The following SHANK1 variants were observed in gnomAD, a reference collection of about 807,000 sequenced individuals.
SHANK1 encodes the protein SH3 and multiple ankyrin repeat domains protein 1.
SHANK1 carries 35 observed loss-of-function variants against 165.6 expected under a neutral mutation model. That is an observed-to-expected ratio of 0.21 (90% CI 0.16 to 0.28). The LOEUF (loss-of-function observed/expected upper bound fraction) is 0.28, where lower values mean the gene tolerates loss of function less well. Among genes scored for constraint, SHANK1 ranks in the 10% least tolerant of loss-of-function variants. SHANK1 has a pLI of 1.00. For missense variants in SHANK1, 2,681 were observed against 3,036.4 expected (o/e 0.88, Z 2.75); for synonymous variants, 1,428 against 1,384.8 (o/e 1.03, Z -0.69).
In SHANK1 at chr19:50,716,191, C is replaced by G. The variant is rs368596932; in HGVS notation, c.459+84G>C. On this transcript the variant is annotated intron_variant, in intron 3 of 23. Transcript: ENST00000293441. This position sits in a 1 kb window ranked among gnomAD's most constrained non-coding sequence, Gnocchi z 8.4. The stretch of plus-strand genomic sequence containing the variant: ...ACTGGGTGCCCCCTCGTTAAGGTTT[C>G]GAGTGTGTTAAAAAGTGGGTGGGGG... The G allele has an allele frequency of 7.6e-7, 1 of 1,321,284 alleles. No homozygotes were observed. Among genetic ancestry groups the G allele is most frequent in the Non-Finnish European group, 1.1e-6 (1 of 924,960 alleles). The allele number at this position is 1,321,284 out of a possible 1,614,324, so 81.8% of individuals were successfully genotyped here.
intron 7 of SHANK1, 113 bp downstream of exon 7, chr19:50,711,834 C>T (rs2089014092): frequency 2.5e-6 from 3 of 1,213,972 alleles, no homozygotes; most frequent in African/African-American, 1.5e-5. Flanking sequence ...CCATGTTATT[C>T]TCACCCCCAT....
At chr19:50,681,870 C>G (rs542898757) in intron 21 of SHANK1, among the ~76,000 whole-genome samples, 1 of 152,010 alleles carries the variant, frequency 6.6e-6, no homozygotes, top group Non-Finnish European at 1.5e-5. Context: ...CTCCCTTGCT[C>G]GAGTGATCCT....
At chr19:50,706,538 C>G (rs1229684985) in intron 8 of SHANK1, among the ~76,000 whole-genome samples, 2 of 152,024 alleles carry the variant, frequency 1.3e-5, no homozygotes, top group Admixed American at 1.3e-4. Flanking sequence ...TGCCCTTGCT[C>G]CCAGGCTGCA....
chr19:50,664,360 C>T (rs980590037), intron 23 of SHANK1, among the ~76,000 whole-genome samples: 6 of 152,176 alleles, frequency 3.9e-5, no homozygotes, highest in Admixed American at 1.3e-4. Context: ...TCGAATTCTG[C>T]GACGATGCAG....
Position 50,703,623 on chromosome 19 carries a change from G to A in SHANK1, c.1430C>T (p.Pro477Leu). The A allele has an allele frequency of 6.4e-7, 1 of 1,552,400 alleles. No individual in the cohort carries two copies. The highest frequency in any genetic ancestry group is 8.7e-7 in the Non-Finnish European group (1 of 1,151,128). The part of the protein sequence containing the change: ...GSQGQSQPSA[P>L]TTKLSSGTLR... ...GGTCCCGCTGCTGAGCTTGGTGGTG[G>A]GGGCCGAGGGCTGCGACTGGCCCTG... Residue 477 changes from proline (P) to leucine (L), a missense_variant, in exon 11 of 24, where the codon CCC (proline) becomes CTC (leucine). Physicochemically the swap from Pro to Leu is moderately conservative, Grantham distance 98 (BLOSUM62 -3). Coordinates refer to ENST00000293441, the MANE Select transcript of SHANK1 (RefSeq NM_016148.5).
chr19:50,697,770 C>G lies in SHANK1; in HGVS notation c.1861+73G>C. The stretch of plus-strand genomic sequence containing the variant: ...CCCATCTACCTCCCAGTACCCCACC[C>G]CCATTAGGAAGGGAAAGGAGTGGAC... On this transcript the variant is annotated intron_variant, in intron 13 of 23. Coordinates refer to ENST00000293441, the MANE Select transcript of SHANK1 (RefSeq NM_016148.5). The surrounding 1 kb of genome is among the most constrained non-coding windows in gnomAD (Gnocchi z 4.7). 2 of 1,510,764 alleles carry G rather than the reference C, an allele frequency of 1.3e-6. No individual in the cohort carries two copies. Among genetic ancestry groups the G allele is most frequent in the Non-Finnish European group, 1.8e-6 (2 of 1,088,104 alleles). The allele number at this position is 1,510,764 out of a possible 1,614,324, so 93.6% of individuals were successfully genotyped here.
rs755461433 is a variant in SHANK1 at position 50,711,531 on chromosome 19, G to C, written c.961-44C>G. The stretch of plus-strand genomic sequence containing the variant: ...GAGGGGCATGGATCAGACCCAGGCT[G>C]TTCTCCCTCTGGGCCAAGAGTCTGT... On this transcript the variant is annotated intron_variant, in intron 7 of 23. Coordinates refer to ENST00000293441, the MANE Select transcript of SHANK1 (RefSeq NM_016148.5). The C allele has an allele frequency of 9.2e-6, 13 of 1,415,206 alleles. No individual in the cohort carries two copies. The South Asian group carries it at 1.3e-4, about 15-fold the overall frequency. The allele number at this position is 1,415,206 out of a possible 1,614,324, so 87.7% of individuals were successfully genotyped here.
In SHANK1 at chr19:50,687,705, T is replaced by TGCC. The variant is rs762544059; in HGVS notation, c.2309-46_2309-44dup. ...GGAGGCATCAGTATCATGGGGGAGATGCCCCCACCACCCTCTACCACCACA... is the reference window on the plus strand; with the variant it reads ...GGAGGCATCAGTATCATGGGGGAGATGCCGCCCCCACCACCCTCTACCACCACA... On this transcript the variant is annotated intron_variant, in intron 18 of 23. Transcript: ENST00000293441. 12 of 1,411,480 alleles carry TGCC rather than the reference T, an allele frequency of 8.5e-6. No individual in the cohort carries two copies. In the African/African-American group the frequency reaches 1.3e-4, roughly 15 times the overall value. The allele number at this position is 1,411,480 out of a possible 1,614,324, so 87.4% of individuals were successfully genotyped here.
At chr19:50,696,653 C>G (rs1001766195) in intron 15 of SHANK1, among the ~76,000 whole-genome samples, 3 of 152,044 alleles carry the variant, frequency 2.0e-5, no homozygotes, top group African/African-American at 7.3e-5. Flanking sequence ...CATCCCAGGT[C>G]CTGAATCTCA....
rs1016017738 is a variant in SHANK1 at position 50,670,063 on chromosome 19, G to A, written c.2675-778C>T. ...GTTTATGCCTGGGGCCCCATCCTCC[G>A]CCCTGAGCTCTGGGCCCCTATATTC... On this transcript the variant is annotated intron_variant, in intron 22 of 23. Transcript: ENST00000293441. This position sits in a 1 kb window ranked among gnomAD's most constrained non-coding sequence, Gnocchi z 4.1. 3.3e-5 allele frequency among the ~76,000 whole-genome samples: 5 copies of A among 152,034 alleles called. No individual in the cohort carries two copies. The South Asian group carries it at 8.3e-4, about 25-fold the overall frequency.
intron 10 of SHANK1, 39 bp from the exon 11 acceptor site, chr19:50,703,869 G>T: frequency 2.1e-6 from 2 of 957,066 alleles, no homozygotes; most frequent in Non-Finnish European, 3.0e-6. Flanking sequence ...AGATGTTAGG[G>T]GAGAAAAGGC....
At position 50,689,638 on chromosome 19, in the gene SHANK1, G is replaced by A. The variant is rs965357936; in HGVS notation, c.1965-359C>T. ...AGTCACTTCCTGCCTATGACCTTGA[G>A]CCCACAACTTTAACCTTTTGTGCCT... On this transcript the variant is annotated intron_variant, in intron 15 of 23. Coordinates refer to ENST00000293441, the MANE Select transcript of SHANK1 (RefSeq NM_016148.5). Among the ~76,000 whole-genome samples the A allele has an allele frequency of 2.0e-5, 3 of 152,296 alleles. No individual in the cohort carries two copies. The East Asian group carries it at 5.8e-4, about 29-fold the overall frequency.
intron 6 of SHANK1, among the ~76,000 whole-genome samples, chr19:50,712,792 A>G (rs2089023369): frequency 6.6e-6 from 1 of 152,244 alleles, no homozygotes; most frequent in Non-Finnish European, 1.5e-5. Context: ...GCACCACCCT[A>G]TATGGCAGGC....
chr19:50,694,662 TA>T (rs1027386509), intron 15 of SHANK1, among the ~76,000 whole-genome samples: 14 of 74,588 alleles, frequency 1.9e-4, no homozygotes, highest in Admixed American at 9.8e-4. Context: ...GAGTGCGTAT[TA>T]GGGGGGAGGG....
At position 50,659,646 on chromosome 19, in the gene SHANK1, G is replaced by GTT. The variant is rs567473843; in HGVS notation, c.*2317_*2318dup. Reference sequence around the variant, plus strand: ...TTTTTGTGTGTTCTAGGGGTTTTGTGTTTTTTTTTTCTGTTTTTTATATTT... The same window carrying GTT: ...TTTTTGTGTGTTCTAGGGGTTTTGTGTTTTTTTTTTTTCTGTTTTTTATATTT... On this transcript the variant is annotated 3_prime_UTR_variant, in exon 24 of 24. Transcript: ENST00000293441. 4.7e-4 allele frequency among the ~76,000 whole-genome samples: 65 copies of GTT among 138,328 alleles called. 1 individual carries two copies. In the East Asian group the frequency reaches 9.6e-3, roughly 20 times the overall value. 90.7% of individuals were successfully genotyped at this position (138,328 alleles called of 152,430 possible).
In SHANK1 at chr19:50,668,157, CCGCCGTCCT is replaced by C. The variant is rs759137691; in HGVS notation, c.3794_3802del (p.Glu1265_Gly1267del). ...CGCCCCTGTGCCCAGCCCGCCGTCC[CCGCCGTCCT>C]CGTCCCCCGCGTCGGTGGACAGGAA... On this transcript the variant is annotated inframe_deletion, in exon 23 of 24. Transcript: ENST00000293441. 5 of 1,461,020 alleles carry C rather than the reference CCGCCGTCCT, an allele frequency of 3.4e-6. No homozygotes were observed. Among genetic ancestry groups the C allele is most frequent in the Non-Finnish European group, 4.5e-6 (5 of 1,114,770 alleles). 90.5% of individuals were successfully genotyped at this position (1,461,020 alleles called of 1,614,324 possible).
intron 22 of SHANK1, among the ~76,000 whole-genome samples, chr19:50,669,640 T>A (rs1985717737): frequency 6.6e-6 from 1 of 152,124 alleles, no homozygotes; most frequent in Non-Finnish European, 1.5e-5. Context: ...GATAGTCCCC[T>A]CGTGTTTATG....
In SHANK1 at chr19:50,667,373, G is replaced by T. The variant is rs1284724387; in HGVS notation, c.4587C>A (p.Pro1529=). 6.5e-7 allele frequency: 1 copy of T among 1,533,114 alleles called. No homozygotes were observed. Among genetic ancestry groups the T allele is most frequent in the Non-Finnish European group, 8.7e-7 (1 of 1,143,374 alleles). 95.0% of individuals were successfully genotyped at this position (1,533,114 alleles called of 1,614,324 possible). A position where few individuals can be genotyped will look rare whatever the true frequency, so the allele number is the denominator to read the frequency against. The part of the protein sequence containing the change: ...PPPSPRRSVP[P]SPTSPRASEE... ...CGCTGGCCCTCGGGGAGGTCGGGGA[G>T]GGGGGCACGGACCGGCGTGGGCTGG... The change falls in exon 23 of 24, where the codon CCC becomes CCA. Residue 1529 remains proline (P), a synonymous_variant. Transcript: ENST00000293441. The surrounding 1 kb of genome is among the most constrained non-coding windows in gnomAD (Gnocchi z 5.7).
At chr19:50,682,860 C>T in intron 21 of SHANK1, among the ~76,000 whole-genome samples, 1 of 152,146 alleles carries the variant, frequency 6.6e-6, no homozygotes, top group South Asian at 2.1e-4. Flanking sequence ...TGGTCTCTCT[C>T]TGTTGCCCAG....
Sources: allele counts gnomAD v4.1 joint callset (sites outside exome capture counted in the v4.1 genomes callset), GRCh38; gene constraint gnomAD v4.1.1; non-coding constraint Gnocchi (gnomAD v3.1); transcripts MANE v1.5; gene names NCBI Gene and HGNC (gene_info 2026-07-23, HGNC 2026-07-21).